Variants in IQSEC1 observed in about 807,000 individuals in gnomAD.
IQSEC1 encodes the protein IQ motif and SEC7 domain-containing protein 1.
IQSEC1 carries 31 observed loss-of-function variants against 91.0 expected under a neutral mutation model. The observed-to-expected ratio is 0.34, with a 90% CI of 0.26 to 0.46. IQSEC1 has a LOEUF of 0.46. IQSEC1 is among the 20% of genes least tolerant of loss of function. The pLI is 1.00. For synonymous variants in IQSEC1, 699 were observed against 662.6 expected (o/e 1.05, Z -0.84); for missense variants, 1,388 against 1,575.6 (o/e 0.88, Z 2.02).
At chr3:13,121,591 T>C (rs1706423968) in intron 2 of IQSEC1, among the ~76,000 whole-genome samples, 1 of 152,184 alleles carries the variant, frequency 6.6e-6, no homozygotes, top group African/African-American at 2.4e-5. Flanking sequence ...TGAGTAGTCA[T>C]GCACCCGTAA....
At chr3:12,920,768 T>A (rs3773319) in intron 5 of IQSEC1, among the ~76,000 whole-genome samples, 172 bp from the exon 6 acceptor site, 16,907 of 152,262 alleles carry the variant, frequency 0.11, 1,101 homozygotes, top group South Asian at 0.21. Context: ...CTCCTCACTC[T>A]ACTGTAGTCC....
chr3:12,915,075 C>T, intron 8 of IQSEC1, 29 bp downstream of exon 8: 14 of 1,592,964 alleles, frequency 8.8e-6, no homozygotes, highest in Non-Finnish European at 1.2e-5. Context: ...GCGGGCTACC[C>T]ACAAAGGTAA....
intron 1 of IQSEC1, among the ~76,000 whole-genome samples, chr3:13,279,712 G>A (rs1427668972): frequency 6.6e-6 from 1 of 152,196 alleles, no homozygotes; most frequent in African/African-American, 2.4e-5. Context: ...GGTCCACCAG[G>A]CCTGGCTTAG....
chr3:12,908,620 C>A lies in IQSEC1; in HGVS notation c.2579-95G>T, dbSNP rs959096351. 1.5e-6 allele frequency: 2 copies of A among 1,322,506 alleles called. No homozygotes were observed. Among genetic ancestry groups the A allele is most frequent in the South Asian group, 2.5e-5 (2 of 79,022 alleles). The allele number at this position is 1,322,506 out of a possible 1,614,324, so 81.9% of individuals were successfully genotyped here. On this transcript the variant is annotated intron_variant, in intron 11 of 13. Transcript: ENST00000613206. This position sits in a 1 kb window ranked among gnomAD's most constrained non-coding sequence, Gnocchi z 4.9. Reference sequence around the variant, plus strand: ...TGCTTGGAGCTAGCACTGTCCTGAGCCACCATCTGCTTGGAATGGGGAAGG... The same window carrying A: ...TGCTTGGAGCTAGCACTGTCCTGAGACACCATCTGCTTGGAATGGGGAAGG...
intron 1 of IQSEC1, among the ~76,000 whole-genome samples, chr3:13,197,807 C>T (rs1449543781): frequency 2.0e-5 from 3 of 152,160 alleles, no homozygotes; most frequent in South Asian, 2.1e-4. Flanking sequence ...TAGTCAAGGC[C>T]GAATTAGGCT....
chr3:13,086,205 TTAG>T (rs1705731591), intron 2 of IQSEC1, among the ~76,000 whole-genome samples: 1 of 152,210 alleles, frequency 6.6e-6, no homozygotes, highest in South Asian at 2.1e-4. Flanking sequence ...ACTCTGAGTC[TTAG>T]TTCCTATATG....
At chr3:12,905,317 G>A (rs1359772209) in intron 12 of IQSEC1, among the ~76,000 whole-genome samples, 1 of 152,254 alleles carries the variant, frequency 6.6e-6, no homozygotes, top group Non-Finnish European at 1.5e-5. Flanking sequence ...AGGGCGTAAC[G>A]TGGCAGTGCT....
chr3:13,013,951 C>G (rs976019569), intron 1 of IQSEC1, among the ~76,000 whole-genome samples: 1 of 152,230 alleles, frequency 6.6e-6, no homozygotes, highest in African/African-American at 2.4e-5. Context: ...CCCAGGCAGG[C>G]AGCAGGGGCT....
At chr3:12,943,666 C>T (rs1698961860) in intron 1 of IQSEC1, among the ~76,000 whole-genome samples, 1 of 152,248 alleles carries the variant, frequency 6.6e-6, no homozygotes, top group South Asian at 2.1e-4. Flanking sequence ...GGGTCCAGCC[C>T]TGTTCTGCTC....
intron 2 of IQSEC1, among the ~76,000 whole-genome samples, chr3:13,106,848 G>A (rs62234161): frequency 6.6e-6 from 1 of 152,182 alleles, no homozygotes; most frequent in Non-Finnish European, 1.5e-5. Context: ...CCTTAAAATC[G>A]TTAACATACA....
At chr3:13,088,460 A>G (rs1274456810) in intron 2 of IQSEC1, among the ~76,000 whole-genome samples, 3 of 150,254 alleles carry the variant, frequency 2.0e-5, no homozygotes, top group Admixed American at 6.6e-5. Flanking sequence ...CCAGGCCCCC[A>G]CCCACTCACT....
At chr3:13,125,958 A>C (rs373489719) in intron 2 of IQSEC1, among the ~76,000 whole-genome samples, 53 of 152,346 alleles carry the variant, frequency 3.5e-4, no homozygotes, top group African/African-American at 1.1e-3. Context: ...CCTGCACTGC[A>C]TGAGTCTTAA....
At chr3:13,275,667 G>T (rs953876394) in intron 1 of IQSEC1, among the ~76,000 whole-genome samples, 32 of 152,252 alleles carry the variant, frequency 2.1e-4, no homozygotes, top group African/African-American at 7.7e-4. Context: ...GTGCTCTGGG[G>T]CTGCACACCA....
intron 2 of IQSEC1, among the ~76,000 whole-genome samples, chr3:13,086,536 T>C (rs1280482210): frequency 6.6e-6 from 1 of 152,152 alleles, no homozygotes; most frequent in East Asian, 1.9e-4. Flanking sequence ...TATTTCTGTA[T>C]TGCGGTGTAT....
At chr3:13,203,361 C>A (rs1321019637) in intron 1 of IQSEC1, among the ~76,000 whole-genome samples, 3 of 152,194 alleles carry the variant, frequency 2.0e-5, no homozygotes, top group Non-Finnish European at 4.4e-5. Context: ...CTTCACCTCG[C>A]ACAACTCTGG....
chr3:13,157,787 G>C (rs992269654), intron 2 of IQSEC1, among the ~76,000 whole-genome samples: 2 of 152,228 alleles, frequency 1.3e-5, no homozygotes, highest in Admixed American at 6.5e-5. Flanking sequence ...TGTGGCAGAG[G>C]GAGAAGAAAG....
chr3:13,093,692 G>A (rs1178616786), intron 2 of IQSEC1, among the ~76,000 whole-genome samples: 3 of 152,182 alleles, frequency 2.0e-5, no homozygotes, highest in Admixed American at 6.5e-5. Flanking sequence ...ACAGCCTGGC[G>A]GCAGGATCAG....
chr3:13,094,470 C>T (rs955600806), intron 2 of IQSEC1, among the ~76,000 whole-genome samples: 1 of 152,184 alleles, frequency 6.6e-6, no homozygotes, highest in African/African-American at 2.4e-5. Flanking sequence ...CAGAGGCTGG[C>T]GAGATGCAGA....
Position 12,924,468 on chromosome 3 carries a change from C to A in IQSEC1, c.1730+113G>T. The A allele has an allele frequency of 1.8e-6, 2 of 1,115,280 alleles. No homozygotes were observed. Among genetic ancestry groups the A allele is most frequent in the Non-Finnish European group, 2.5e-6 (2 of 799,084 alleles). The allele number at this position is 1,115,280 out of a possible 1,614,324, so 69.1% of individuals were successfully genotyped here. A position where few individuals can be genotyped will look rare whatever the true frequency, so the allele number is the denominator to read the frequency against. On this transcript the variant is annotated intron_variant, in intron 4 of 13. Coordinates refer to ENST00000613206, the MANE Select transcript of IQSEC1 (RefSeq NM_001134382.3). This position sits in a 1 kb window ranked among gnomAD's most constrained non-coding sequence, Gnocchi z 6.3. The stretch of plus-strand genomic sequence containing the variant: ...TAGGAAGAGAGAAAGGGGGGCCCAC[C>A]ACATGTCCCAGCAAGTAGGGTGGGC...
Sources: gnomAD v4.1 joint callset for allele counts (sites outside exome capture counted in the v4.1 genomes callset) on GRCh38, gnomAD v4.1.1 for gene constraint, Gnocchi (gnomAD v3.1) non-coding constraint, MANE v1.5 for transcripts, NCBI Gene and HGNC (gene_info 2026-07-23, HGNC 2026-07-21) for gene names.